KCNH8: variants seen among roughly 807,000 people sequenced by gnomAD.
The protein encoded by KCNH8 is potassium voltage-gated channel subfamily H member 8, also known as voltage-gated delayed rectifier potassium channel KCNH8.
A neutral mutation model predicts 103.6 loss-of-function variants in KCNH8; 70 were observed. The ratio of observed to expected loss-of-function variants is 0.68; its 90% CI spans 0.56 to 0.82. The LOEUF is 0.82. Ranked by LOEUF, KCNH8 falls within the 40% of genes least tolerant of loss-of-function variation. KCNH8 has a pLI of 0.00. For synonymous variants in KCNH8, 498 were observed against 489.4 expected, an observed-to-expected ratio of 1.02 and a Z score of -0.23; for missense variants, 1,217 against 1,329.9, an observed-to-expected ratio of 0.92 and a Z score of 1.32.
rs149222123 is a variant in KCNH8, at chr3:19,527,826, T to TGTG, written c.2620-5568_2620-5566dup. ...GTTGCCTGCAAAACATCTAATGATT[T>TGTG]GTGTGGTTAATGCATGATGCTGGGA... On this transcript the variant is annotated intron_variant, in intron 15 of 15. Transcript: ENST00000328405. Among the ~76,000 whole-genome samples the TGTG allele has an allele frequency of 4.1e-4, 63 of 152,226 alleles. No individual in the cohort carries two copies. In the East Asian group the frequency reaches 0.012, roughly 28 times the overall value.
chr3:19,195,415 T>TC (rs1033484627), intron 1 of KCNH8, among the ~76,000 whole-genome samples: 8 of 151,860 alleles, frequency 5.3e-5, no homozygotes, highest in Admixed American at 2.6e-4. Flanking sequence ...ACCCCTTTTT[T>TC]CCCTCACAGT....
chr3:19,157,636 C>T (rs1267569836), intron 1 of KCNH8, among the ~76,000 whole-genome samples: 1 of 152,008 alleles, frequency 6.6e-6, no homozygotes, highest in African/African-American at 2.4e-5. Context: ...TTTATGTCAT[C>T]ACTTGAATTG....
At chr3:19,467,572 T>C (rs2067767999) in intron 11 of KCNH8, among the ~76,000 whole-genome samples, 1 of 152,120 alleles carries the variant, frequency 6.6e-6, no homozygotes, top group Non-Finnish European at 1.5e-5. Context: ...CAGTAGCCCA[T>C]GGGGGCAGGG....
intron 11 of KCNH8, among the ~76,000 whole-genome samples, chr3:19,498,955 C>T (rs1031694463): frequency 2.0e-5 from 3 of 152,042 alleles, no homozygotes; most frequent in Non-Finnish European, 2.9e-5. Context: ...TCTCCAGCTG[C>T]GTGCTGGGAG....
At chr3:19,517,208 G>C (rs1472918242) in intron 14 of KCNH8, among the ~76,000 whole-genome samples, 2 of 151,886 alleles carry the variant, frequency 1.3e-5, no homozygotes, top group Non-Finnish European at 2.9e-5. Context: ...AAAGAGGGCT[G>C]GCCTATTGTA....
At chr3:19,234,849 T>G (rs1191183820) in intron 1 of KCNH8, among the ~76,000 whole-genome samples, 2 of 152,256 alleles carry the variant, frequency 1.3e-5, no homozygotes, top group African/African-American at 4.8e-5. Context: ...TGAGTGTGGG[T>G]GGGTGTGAAT....
intron 1 of KCNH8, among the ~76,000 whole-genome samples, chr3:19,237,834 T>C: frequency 6.6e-6 from 1 of 152,160 alleles, no homozygotes; most frequent in East Asian, 1.9e-4. Context: ...TTCAAAGCAA[T>C]TTTTATCCAA....
intron 7 of KCNH8, among the ~76,000 whole-genome samples, chr3:19,425,413 AT>A (rs1264351132): frequency 6.6e-6 from 1 of 152,226 alleles, no homozygotes; most frequent in African/African-American, 2.4e-5. Flanking sequence ...CTGCAAGATA[AT>A]AAAGACCTTT....
intron 3 of KCNH8, among the ~76,000 whole-genome samples, chr3:19,339,061 G>A (rs2065622975): frequency 6.6e-6 from 1 of 152,098 alleles, no homozygotes; most frequent in East Asian, 1.9e-4. Flanking sequence ...TTACAGTAAA[G>A]TAGAATGATT....
intron 1 of KCNH8, among the ~76,000 whole-genome samples, chr3:19,157,569 T>C (rs1359329565): frequency 6.6e-6 from 1 of 152,094 alleles, no homozygotes; most frequent in East Asian, 1.9e-4. Context: ...TCAAAAGTTA[T>C]AAAATTATTT....
chr3:19,525,988 C>T (rs1231685526), intron 15 of KCNH8, among the ~76,000 whole-genome samples: 1 of 151,896 alleles, frequency 6.6e-6, no homozygotes, highest in Non-Finnish European at 1.5e-5. Flanking sequence ...TTATGCCAAT[C>T]GTCTTTTTTG....
intron 3 of KCNH8, among the ~76,000 whole-genome samples, chr3:19,339,527 C>A (rs138125006): frequency 6.6e-6 from 1 of 152,008 alleles, no homozygotes; most frequent in African/African-American, 2.4e-5. Context: ...ATTTAACACA[C>A]GAAGATATGA....
chr3:19,215,022 G>A (rs575037944), intron 1 of KCNH8, among the ~76,000 whole-genome samples: 2 of 152,280 alleles, frequency 1.3e-5, no homozygotes, highest in African/African-American at 4.8e-5. Context: ...TCTGTTTCAT[G>A]GAGGCTTACA....
At chr3:19,382,414 A>G (rs1028047346) in intron 5 of KCNH8, among the ~76,000 whole-genome samples, 1 of 152,196 alleles carries the variant, frequency 6.6e-6, no homozygotes, top group East Asian at 1.9e-4. Context: ...CTTACTTTAA[A>G]GTGACTACAT....
intron 3 of KCNH8, among the ~76,000 whole-genome samples, chr3:19,322,849 A>C (rs532840146): frequency 6.6e-6 from 1 of 152,248 alleles, no homozygotes; most frequent in South Asian, 2.1e-4. Flanking sequence ...TGGTCTTTTG[A>C]CATAATCCCA....
At chr3:19,469,107 C>A (rs1378626622) in intron 11 of KCNH8, among the ~76,000 whole-genome samples, 1 of 152,192 alleles carries the variant, frequency 6.6e-6, no homozygotes, top group Non-Finnish European at 1.5e-5. Flanking sequence ...AGGTGTGCAT[C>A]TGCTAGCCGA....
intron 11 of KCNH8, among the ~76,000 whole-genome samples, chr3:19,471,776 A>G (rs1018738007): frequency 6.6e-6 from 1 of 152,228 alleles, no homozygotes; most frequent in Admixed American, 6.5e-5. Context: ...GAAACTTAGT[A>G]TAAGTTTATC....
At chr3:19,235,444 C>A (rs2064052378) in intron 1 of KCNH8, among the ~76,000 whole-genome samples, 1 of 152,116 alleles carries the variant, frequency 6.6e-6, no homozygotes, top group South Asian at 2.1e-4. Flanking sequence ...ACATATGTAT[C>A]TTCTGGGGAA....
chr3:19,406,905 C>CA (rs1179703124), intron 7 of KCNH8, among the ~76,000 whole-genome samples: 1 of 152,038 alleles, frequency 6.6e-6, no homozygotes, highest in African/African-American at 2.4e-5. Context: ...AAATGATCTC[C>CA]AAAATCTTTA....
Sources: gnomAD v4.1 joint callset for allele counts (sites outside exome capture counted in the v4.1 genomes callset) on GRCh38, gnomAD v4.1.1 for gene constraint, MANE v1.5 for transcripts, NCBI Gene and HGNC (gene_info 2026-07-23, HGNC 2026-07-21) for gene names.